SYT2: variants seen among roughly 807,000 people sequenced by gnomAD.
The protein encoded by SYT2 is synaptotagmin 2.
SYT2 carries 15 observed loss-of-function variants against 39.9 expected under a neutral mutation model. The ratio of observed to expected loss-of-function variants is 0.38; its 90% CI spans 0.25 to 0.58. The LOEUF (loss-of-function observed/expected upper bound fraction) is 0.58, where lower values mean the gene tolerates loss of function less well. Among genes scored for constraint, SYT2 ranks in the 20% least tolerant of loss-of-function variants. SYT2 has a pLI of 0.70. For synonymous variants in SYT2, 181 were observed against 204.5 expected, an observed-to-expected ratio of 0.89 and a Z score of 0.98; for missense variants, 389 against 530.3, an observed-to-expected ratio of 0.73 and a Z score of 2.62.
intron 1 of SYT2, among the ~76,000 whole-genome samples, chr1:202,661,087 C>T (rs1692369637): frequency 6.6e-6 from 1 of 152,080 alleles, no homozygotes. Flanking sequence ...GATAAAAATC[C>T]GTGCCCTCAT....
At chr1:202,694,882 T>G (rs1453878172) in intron 1 of SYT2, among the ~76,000 whole-genome samples, 1 of 152,144 alleles carries the variant, frequency 6.6e-6, no homozygotes, top group East Asian at 1.9e-4. Context: ...CTCCAACATG[T>G]CTATACCCAC....
At chr1:202,674,146 G>A (rs904167872) in intron 1 of SYT2, among the ~76,000 whole-genome samples, 1 of 152,100 alleles carries the variant, frequency 6.6e-6, no homozygotes, top group Non-Finnish European at 1.5e-5. Flanking sequence ...CTGTCACCTG[G>A]GCTGGAGTGC....
chr1:202,694,142 C>T (rs910776302), intron 1 of SYT2, among the ~76,000 whole-genome samples: 1 of 152,190 alleles, frequency 6.6e-6, no homozygotes, highest in African/African-American at 2.4e-5. Flanking sequence ...CACATTTCAA[C>T]AAGTGATTTG....
chr1:202,596,260 T>C lies in SYT2; in HGVS notation c.*497A>G, dbSNP rs1392945515. The C allele has an allele frequency of 8.7e-6, 1 of 114,854 alleles. No homozygotes were observed. The highest frequency in any genetic ancestry group is 3.1e-5 in the African/African-American group (1 of 31,972). The allele number at this position is 114,854 out of a possible 1,614,324, so 7.1% of individuals were successfully genotyped here. A position where few individuals can be genotyped will look rare whatever the true frequency, so the allele number is the denominator to read the frequency against. On this transcript the variant is annotated 3_prime_UTR_variant, in exon 9 of 9. Coordinates refer to ENST00000367268, the MANE Select transcript of SYT2 (RefSeq NM_177402.5). ...CACACATTCCAGGAATGAAGAGAAA[T>C]GCTCAAAGACACACACACACACACA...
intron 1 of SYT2, among the ~76,000 whole-genome samples, chr1:202,613,841 G>A (rs1690956156): frequency 1.3e-5 from 2 of 152,120 alleles, no homozygotes; most frequent in Admixed American, 1.3e-4. Context: ...TCCCAAGAAT[G>A]CCAACCACTT....
In SYT2 at chr1:202,601,494, T is replaced by C. The variant is rs1690502441; in HGVS notation, c.801+396A>G. The stretch of plus-strand genomic sequence containing the variant: ...TAGCAGTTCTGGGAGGACAAGTCCC[T>C]TTGCTGAGTATCCTTTAGAACAAAC... On this transcript the variant is annotated intron_variant, in intron 6 of 8. Coordinates refer to ENST00000367268, the MANE Select transcript of SYT2 (RefSeq NM_177402.5). The surrounding 1 kb of genome is among the most constrained non-coding windows in gnomAD (Gnocchi z 4.0). Among the ~76,000 whole-genome samples, 1 of 152,246 alleles carries C rather than the reference T, an allele frequency of 6.6e-6. No individual in the cohort carries two copies. The highest frequency in any genetic ancestry group is 2.4e-5 in the African/African-American group (1 of 41,466).
chr1:202,678,924 G>A (rs1210965249), intron 1 of SYT2, among the ~76,000 whole-genome samples: 4 of 151,628 alleles, frequency 2.6e-5, no homozygotes, highest in Admixed American at 6.6e-5. Context: ...GACACACATC[G>A]CCCTACATTC....
At chr1:202,658,096 C>T (rs1026533599) in intron 1 of SYT2, among the ~76,000 whole-genome samples, 1 of 152,034 alleles carries the variant, frequency 6.6e-6, no homozygotes, top group Non-Finnish European at 1.5e-5. Context: ...GTCTCAGGTT[C>T]CTTATTAATA....
intron 1 of SYT2, among the ~76,000 whole-genome samples, chr1:202,676,942 T>C (rs1267363726): frequency 6.6e-6 from 1 of 152,230 alleles, no homozygotes; most frequent in Non-Finnish European, 1.5e-5. Flanking sequence ...TCCCCCTTGC[T>C]GTTCTCATGA....
chr1:202,683,179 C>T (rs1161791904), intron 1 of SYT2, among the ~76,000 whole-genome samples: 1 of 152,176 alleles, frequency 6.6e-6, no homozygotes, highest in Non-Finnish European at 1.5e-5. Flanking sequence ...GCATACCCTA[C>T]AATGACCAAG....
At chr1:202,664,035 G>A (rs1044844391) in intron 1 of SYT2, among the ~76,000 whole-genome samples, 5 of 152,172 alleles carry the variant, frequency 3.3e-5, no homozygotes, top group African/African-American at 9.7e-5. Context: ...GCCTTGCTGC[G>A]TGCTCTTCTA....
chr1:202,627,777 T>G (rs1362924051), intron 1 of SYT2, among the ~76,000 whole-genome samples: 1 of 152,208 alleles, frequency 6.6e-6, no homozygotes, highest in Admixed American at 6.5e-5. Context: ...CCAAATCCTA[T>G]GTCAGGCTCC....
At chr1:202,607,263 G>A (rs1404176905) in intron 1 of SYT2, among the ~76,000 whole-genome samples, 1 of 152,184 alleles carries the variant, frequency 6.6e-6, no homozygotes, top group Non-Finnish European at 1.5e-5. Flanking sequence ...CTGGGTATTT[G>A]TTGACTGGGC....
chr1:202,678,852 C>T (rs1384579489), intron 1 of SYT2, among the ~76,000 whole-genome samples: 1 of 152,138 alleles, frequency 6.6e-6, no homozygotes, highest in African/African-American at 2.4e-5. Flanking sequence ...GTGGCTGTTC[C>T]CTGCTGCCAC....
At chr1:202,669,699 A>T (rs530518051) in intron 1 of SYT2, among the ~76,000 whole-genome samples, 5 of 151,384 alleles carry the variant, frequency 3.3e-5, no homozygotes, top group African/African-American at 1.2e-4. Context: ...TCAACGCTGC[A>T]GTGAGGCATG....
rs77672128 is a variant in SYT2, at chr1:202,661,561, C to T, written c.-18+48697G>A. Among the ~76,000 whole-genome samples, 5 of 152,328 alleles carry T rather than the reference C, an allele frequency of 3.3e-5. No individual in the cohort carries two copies. The East Asian group carries it at 7.7e-4, about 24-fold the overall frequency. On this transcript the variant is annotated intron_variant, in intron 1 of 8. Transcript: ENST00000367268. ...ACATTCCCTCGTGGTTGCCCTATGC[C>T]ACTCGGCAGCCTTCACACAGCCTGG... is the stretch of plus-strand genomic sequence containing the variant.
At chr1:202,685,555 T>A (rs2149114628) in intron 1 of SYT2, among the ~76,000 whole-genome samples, 1 of 152,288 alleles carries the variant, frequency 6.6e-6, no homozygotes, top group East Asian at 1.9e-4. Flanking sequence ...CCCAGCTTCT[T>A]TCCCAGGTAA....
At chr1:202,632,718 G>A (rs1691628286) in intron 1 of SYT2, 1 of 285,932 alleles carries the variant, frequency 3.5e-6, no homozygotes, top group African/African-American at 2.3e-5. Flanking sequence ...TGATTTCCCT[G>A]GCTCTGGGCA....
intron 1 of SYT2, among the ~76,000 whole-genome samples, chr1:202,642,252 C>A (rs899168725): frequency 3.3e-5 from 5 of 152,128 alleles, no homozygotes; most frequent in African/African-American, 1.2e-4. Flanking sequence ...ACACCCCCTG[C>A]CCCGGAAGTG....
Sources: gnomAD v4.1 joint callset for allele counts (sites outside exome capture counted in the v4.1 genomes callset) on GRCh38, gnomAD v4.1.1 for gene constraint, Gnocchi (gnomAD v3.1) non-coding constraint, MANE v1.5 for transcripts, NCBI Gene and HGNC (gene_info 2026-07-23, HGNC 2026-07-21) for gene names.